ITPR2: variants seen among roughly 807,000 people sequenced by gnomAD.
The protein encoded by ITPR2 is inositol 1,4,5-trisphosphate receptor type 2.
Under a neutral mutation model 317.1 loss-of-function variants are expected in ITPR2, and 207 were observed. The ratio of observed to expected loss-of-function variants is 0.65; its 90% CI spans 0.58 to 0.73. ITPR2 has a LOEUF of 0.73. Ranked by LOEUF, ITPR2 falls within the 30% of genes least tolerant of loss-of-function variation. The pLI is 0.00. For missense variants in ITPR2, 2,613 were observed against 3,284.0 expected (o/e 0.80, Z 4.99); for synonymous variants, 1,156 against 1,149.1 (o/e 1.01, Z -0.12).
chr12:26,383,224 G>A (rs1003473348), intron 55 of ITPR2, among the ~76,000 whole-genome samples: 2 of 152,162 alleles, frequency 1.3e-5, no homozygotes, highest in African/African-American at 4.8e-5. Context: ...GGCCTCACCA[G>A]AAGCTGAGCA....
chr12:26,404,399 T>C (rs1045484937), intron 52 of ITPR2, among the ~76,000 whole-genome samples: 2 of 152,182 alleles, frequency 1.3e-5, no homozygotes, highest in Non-Finnish European at 2.9e-5. Flanking sequence ...CAATAAAACA[T>C]TTTTAAAAGT....
At chr12:26,650,621 AAT>A (rs1242629225) in intron 21 of ITPR2, among the ~76,000 whole-genome samples, 1 of 152,206 alleles carries the variant, frequency 6.6e-6, no homozygotes, top group Non-Finnish European at 1.5e-5. Flanking sequence ...AAATGTCTTT[AAT>A]AAAATACTCT....
chr12:26,536,923 G>T (rs1246206736), intron 37 of ITPR2, among the ~76,000 whole-genome samples: 1 of 152,236 alleles, frequency 6.6e-6, no homozygotes, highest in East Asian at 1.9e-4. Context: ...AATCTGTCTT[G>T]AAATAACAAT....
At chr12:26,419,370 A>G (rs1940819153) in intron 49 of ITPR2, 157 bp from the exon 50 acceptor site, 2 of 638,710 alleles carry the variant, frequency 3.1e-6, no homozygotes, top group East Asian at 5.9e-5. Context: ...TATTATTCAT[A>G]AAGTTCATGA....
chr12:26,554,270 T>TA (rs567867825), intron 36 of ITPR2, among the ~76,000 whole-genome samples: 261 of 152,382 alleles, frequency 1.7e-3, no homozygotes, highest in African/African-American at 5.4e-3. Context: ...CACATGTGGC[T>TA]ACTGAGCACT....
chr12:26,818,041 G>A (rs996476149), intron 1 of ITPR2, among the ~76,000 whole-genome samples: 4 of 152,168 alleles, frequency 2.6e-5, no homozygotes, highest in African/African-American at 7.2e-5. Flanking sequence ...GAAATCACTA[G>A]TAGTCTATGA....
intron 2 of ITPR2, among the ~76,000 whole-genome samples, chr12:26,774,562 T>C (rs1240462975): frequency 6.6e-6 from 1 of 152,238 alleles, no homozygotes; most frequent in Non-Finnish European, 1.5e-5. Context: ...TGCTAAACAC[T>C]GTGTTTGATC....
chr12:26,776,367 GC>G (rs1200386480), intron 2 of ITPR2, among the ~76,000 whole-genome samples: 1 of 152,170 alleles, frequency 6.6e-6, no homozygotes, highest in African/African-American at 2.4e-5. Flanking sequence ...CTAACTCCTG[GC>G]TTCAGAAGCA....
rs145627005 is a variant in ITPR2 at position 26,375,208 on chromosome 12, C to T, written c.7857+12226G>A. 8.5e-4 allele frequency among the ~76,000 whole-genome samples: 130 copies of T among 152,220 alleles called. 1 individual carries two copies. Among genetic ancestry groups the T allele is most frequent in the East Asian group, 7.5e-3 (39 of 5,182 alleles). ...AACTGAGAATTGAACAAGATCTTAC[C>T]GTAATGACTAGAACTGGGAAACAAG... On this transcript the variant is annotated intron_variant, in intron 55 of 56. Coordinates refer to ENST00000381340, the MANE Select transcript of ITPR2 (RefSeq NM_002223.4).
chr12:26,562,590 G>A (rs143424703), intron 34 of ITPR2, among the ~76,000 whole-genome samples: 201 of 152,302 alleles, frequency 1.3e-3, no homozygotes, highest in African/African-American at 4.6e-3. Context: ...GTCCATCAGC[G>A]AAAGAAGAGA....
At chr12:26,386,395 T>C (rs1470825062) in intron 55 of ITPR2, among the ~76,000 whole-genome samples, 4 of 152,184 alleles carry the variant, frequency 2.6e-5, no homozygotes, top group Non-Finnish European at 4.4e-5. Flanking sequence ...AATTTACATG[T>C]AGCTCTTTTG....
intron 34 of ITPR2, among the ~76,000 whole-genome samples, chr12:26,568,015 T>TATA (rs1565609916): frequency 2.1e-4 from 18 of 84,942 alleles, no homozygotes; most frequent in African/African-American, 7.4e-4. Context: ...ATTATATATA[T>TATA]ATATATATAT....
chr12:26,556,563 TTTTTG>T (rs1342797411), intron 35 of ITPR2, among the ~76,000 whole-genome samples, 188 bp from the exon 36 acceptor site: 144 of 88,938 alleles, frequency 1.6e-3, no homozygotes, highest in African/African-American at 5.3e-3. Flanking sequence ...TCTATTTTTT[TTTTTG>T]TGTGTGTGTG....
rs1402616386 is a variant in ITPR2, at chr12:26,385,024, A to G, written c.7857+2410T>C. 2.6e-5 allele frequency among the ~76,000 whole-genome samples: 4 copies of G among 152,036 alleles called. 1 individual carries two copies. Among genetic ancestry groups the G allele is most frequent in the African/African-American group, 9.7e-5 (4 of 41,400 alleles). On this transcript the variant is annotated intron_variant, in intron 55 of 56. Coordinates refer to ENST00000381340, the MANE Select transcript of ITPR2 (RefSeq NM_002223.4). ...CATCATTTACAGAGAGGATCTCTGC[A>G]CTCTATGAGGCACTTTCTACACATC...
intron 55 of ITPR2, among the ~76,000 whole-genome samples, chr12:26,345,909 C>T (rs1243857369): frequency 6.6e-6 from 1 of 152,186 alleles, no homozygotes. Context: ...TCTTGGTTTA[C>T]TCATGCATGC....
intron 35 of ITPR2, among the ~76,000 whole-genome samples, chr12:26,560,129 GA>G (rs1384493155): frequency 6.6e-6 from 1 of 152,104 alleles, no homozygotes; most frequent in African/African-American, 2.4e-5. Context: ...TTTACTAAAA[GA>G]AGTTTAAGGC....
chr12:26,438,849 T>C (rs570605522), intron 47 of ITPR2, among the ~76,000 whole-genome samples: 1 of 152,328 alleles, frequency 6.6e-6, no homozygotes, highest in South Asian at 2.1e-4. Flanking sequence ...ATTTGAAATG[T>C]ACAGCTTCAA....
chr12:26,780,103 A>G (rs1163817351), intron 2 of ITPR2, among the ~76,000 whole-genome samples: 1 of 152,160 alleles, frequency 6.6e-6, no homozygotes, highest in South Asian at 2.1e-4. Flanking sequence ...CAAAGTGGCT[A>G]TGGTGGCAGG....
At chr12:26,358,019 C>T (rs2136571556) in intron 55 of ITPR2, among the ~76,000 whole-genome samples, 1 of 152,296 alleles carries the variant, frequency 6.6e-6, no homozygotes, top group Non-Finnish European at 1.5e-5. Flanking sequence ...CACCCAGAAA[C>T]CTGCAGCTAT....
Sources: allele counts gnomAD v4.1 joint callset (sites outside exome capture counted in the v4.1 genomes callset), GRCh38; gene constraint gnomAD v4.1.1; transcripts MANE v1.5; gene names NCBI Gene and HGNC (gene_info 2026-07-23, HGNC 2026-07-21).